Variants in P2RX6 observed in about 807,000 individuals in gnomAD.
P2RX6 encodes the protein P2X purinoceptor 6.
Under a neutral mutation model 54.2 loss-of-function variants are expected in P2RX6, and 62 were observed. The observed-to-expected ratio is 1.14, with a 90% confidence interval of 0.93 to 1.41. The LOEUF is 1.41. P2RX6 is among the 40% of genes most tolerant of loss of function. P2RX6 has a pLI of 0.00. For synonymous variants in P2RX6, 211 were observed against 231.9 expected (o/e 0.91, Z 0.82); for missense variants, 541 against 566.3 (o/e 0.96, Z 0.45).
At chr22:21,021,462 C>T (rs1188256444) in intron 3 of P2RX6, among the ~76,000 whole-genome samples, 3 of 152,120 alleles carry the variant, frequency 2.0e-5, no homozygotes, top group Non-Finnish European at 4.4e-5. Flanking sequence ...GGTAGCCCAG[C>T]TGGGGTGAAG....
In P2RX6 at chr22:21,016,077, C is replaced by T. The variant is rs373448044; in HGVS notation, c.300C>T (p.Phe100=). 1.3e-5 allele frequency: 20 copies of T among 1,563,172 alleles called. No individual in the cohort carries two copies. Among genetic ancestry groups the T allele is most frequent in the East Asian group, 7.1e-5 (3 of 42,014 alleles). Residue 100 remains phenylalanine, a synonymous_variant, in exon 2 of 12, where the codon TTC becomes TTT. Coordinates refer to ENST00000413302, the MANE Select transcript of P2RX6 (RefSeq NM_005446.5). ...LGNRLWDVAD[F]VKPPQGENVF... ...ACCGGCTGTGGGATGTGGCCGACTT[C>T]GTGAAGCCACCTCAGGTGGGGGCCC...
chr22:21,015,981 C>G lies in P2RX6; in HGVS notation c.204C>G (p.Asp68Glu). 6.5e-7 allele frequency: 1 copy of G among 1,550,094 alleles called. No homozygotes were observed. Residue 68 changes from aspartate (D) to glutamate (E), a missense_variant, in exon 2 of 12, where the codon GAC becomes GAG. By Grantham distance (45) the Asp-to-Glu change is conservative (BLOSUM62 2). Around this residue, in one of 2 missense-constraint regions of P2RX6, gnomAD observed 526 missense variants for 531.5 expected, o/e 0.99. Transcript: ENST00000413302. Reference protein sequence around the residue: ...LLAKKGYQERDLEPQFSIITK... With the variant: ...LLAKKGYQERELEPQFSIITK... ...CCAAAAAAGGCTACCAGGAGCGGGA[C>G]CTGGAACCCCAGTTTTCCATCATCA...
In P2RX6 at chr22:21,026,988, C is replaced by T. The variant is rs375255907; in HGVS notation, c.*371C>T. 4 of 244,082 alleles carry T rather than the reference C, an allele frequency of 1.6e-5. No individual in the cohort carries two copies. The highest frequency in any genetic ancestry group is 1.6e-4 in the South Asian group (2 of 12,212). 15.1% of individuals were successfully genotyped at this position (244,082 alleles called of 1,614,324 possible). ...CTTACCAGCTGTCAGCACAGACCCT[C>T]CTGCTGCCTGGGTCCTGGCCCTCCT... On this transcript the variant is annotated 3_prime_UTR_variant, in exon 12 of 12. Transcript: ENST00000413302. This position sits in a 1 kb window ranked among gnomAD's most constrained non-coding sequence, Gnocchi z 4.0.
chr22:21,012,546 G>T (rs1601737418), upstream of P2RX6: 1 of 585,864 alleles, frequency 1.7e-6, no homozygotes, highest in East Asian at 5.1e-5. Flanking sequence ...TGCTGCTTTT[G>T]CTCAGGGCAC....
At chr22:21,023,661 G>T (rs759796834) in intron 8 of P2RX6, 43 bp downstream of exon 8, 2 of 1,445,608 alleles carry the variant, frequency 1.4e-6, no homozygotes, top group Admixed American at 3.9e-5. Context: ...TGGGCCCATC[G>T]CCCTCTCACT....
chr22:21,010,870 T>C (rs403546), upstream of P2RX6, among the ~76,000 whole-genome samples: 28,429 of 151,604 alleles, frequency 0.19, 2,838 homozygotes, highest in South Asian at 0.27. Context: ...CACACTGCTG[T>C]CTGCCAGTCT....
upstream of P2RX6, chr22:21,012,468 A>G: frequency 2.1e-6 from 1 of 471,824 alleles, no homozygotes. Flanking sequence ...GGGTGGAGGC[A>G]CATCCCTGAG....
intron 7 of P2RX6, 33 bp downstream of exon 7, chr22:21,023,449 G>A: frequency 6.2e-7 from 1 of 1,613,902 alleles, no homozygotes; most frequent in Non-Finnish European, 8.5e-7. Flanking sequence ...GGTTCCTAGA[G>A]GGCTCTGGGA....
chr22:21,014,260 G>C (rs904350507), upstream of P2RX6: 2 of 152,932 alleles, frequency 1.3e-5, no homozygotes, highest in Non-Finnish European at 2.9e-5. Context: ...GGCGGAGACC[G>C]CTTGGCGCCT....
chr22:21,023,410 G>A lies in P2RX6; in HGVS notation c.774G>A (p.Ala258=), dbSNP rs769528141. 52 of 1,613,908 alleles carry A rather than the reference G, an allele frequency of 3.2e-5. No individual in the cohort carries two copies. The highest frequency in any genetic ancestry group is 5.5e-5 in the South Asian group (5 of 91,084). ...AKAGGTFEDL[A]LLGGSVGIRV... ...CTGGAGGGACCTTCGAGGACCTGGC[G>A]TTGCTGGTGGGTCCCAAGTTGGGGG... The change falls in exon 7 of 12, where the codon GCG becomes GCA. Residue 258 remains alanine, a synonymous_variant. Transcript: ENST00000413302.
At chr22:21,023,452 C>G in intron 7 of P2RX6, 36 bp downstream of exon 7, 1 of 1,613,862 alleles carries the variant, frequency 6.2e-7, no homozygotes, top group East Asian at 2.2e-5. Context: ...TCCTAGAGGG[C>G]TCTGGGAGAG....
At position 21,023,169 on chromosome 22, in the gene P2RX6, A is replaced by C. The variant is rs1293450119; in HGVS notation, c.609A>C (p.Thr203=). The C allele has an allele frequency of 1.2e-6, 2 of 1,613,836 alleles. No homozygotes were observed. The highest frequency in any genetic ancestry group is 1.7e-6 in the Non-Finnish European group (2 of 1,179,880). ...ACTTCACACTGTTCATCAAAAACACAGTCACCTTCAGCAAGTTCAACTTCT... is the reference window on the plus strand; with the variant it reads ...ACTTCACACTGTTCATCAAAAACACCGTCACCTTCAGCAAGTTCAACTTCT... ...AQNFTLFIKN[T]VTFSKFNFSK... Residue 203 remains threonine, a synonymous_variant, in exon 6 of 12, where the codon ACA becomes ACC. Transcript: ENST00000413302.
chr22:21,012,229 A>G (rs1466839007), upstream of P2RX6, among the ~76,000 whole-genome samples: 1 of 151,292 alleles, frequency 6.6e-6, no homozygotes, highest in African/African-American at 2.4e-5. Context: ...TCCACTCTGC[A>G]TTCAGGCACT....
At chr22:21,015,387 G>C (rs3893495) in intron 1 of P2RX6, 49 bp downstream of exon 1, 573,851 of 1,487,256 alleles carry the variant, frequency 0.39, 115,912 homozygotes, top group Non-Finnish European at 0.42. Flanking sequence ...GGGAAGAGGT[G>C]GGGGGTGGGG....
chr22:21,011,138 A>C (rs1925714783), upstream of P2RX6, among the ~76,000 whole-genome samples: 1 of 151,272 alleles, frequency 6.6e-6, no homozygotes, highest in Non-Finnish European at 1.5e-5. Flanking sequence ...GGTTTTGTTC[A>C]AGGTGGATCC....
At chr22:21,012,324 A>C (rs1230644452), upstream of P2RX6, among the ~76,000 whole-genome samples, 1 of 152,102 alleles carries the variant, frequency 6.6e-6, no homozygotes, top group Non-Finnish European at 1.5e-5. Context: ...GTGGATGAGG[A>C]AGGGACTTGT....
chr22:21,018,137 C>A (rs982417863), intron 3 of P2RX6, 77 bp downstream of exon 3: 17 of 935,242 alleles, frequency 1.8e-5, no homozygotes, highest in Admixed American at 3.9e-5. Context: ...GTTTCCCTTT[C>A]CCCTTCCCAG....
intron 4 of P2RX6, 74 bp from the exon 5 acceptor site, chr22:21,022,868 A>C (rs1927671066): frequency 1.3e-6 from 2 of 1,516,638 alleles, no homozygotes; most frequent in Admixed American, 3.4e-5. Context: ...TCTTTCTGCC[A>C]ACAACCCCCT....
At chr22:21,011,340 G>A (rs1925726096), upstream of P2RX6, 1 of 587,824 alleles carries the variant, frequency 1.7e-6, no homozygotes, top group African/African-American at 1.9e-5. Flanking sequence ...CCCTGCCCCA[G>A]GAAGCTGAGC....
Sources: gnomAD v4.1 joint callset for allele counts (sites outside exome capture counted in the v4.1 genomes callset) on GRCh38, gnomAD v4.1.1 for gene constraint, gnomAD v4.1.1 regional missense constraint, Gnocchi (gnomAD v3.1) non-coding constraint, MANE v1.5 for transcripts, NCBI Gene and HGNC (gene_info 2026-07-23, HGNC 2026-07-21) for gene names.